Variants in RASEF observed in about 807,000 individuals in gnomAD.
RASEF encodes ras and EF-hand domain-containing protein.
Under a neutral mutation model 90.1 loss-of-function variants are expected in RASEF, and 68 were observed. The observed-to-expected ratio is 0.75, with a 90% CI of 0.62 to 0.92. RASEF has a LOEUF of 0.92. RASEF is among the 40% of genes least tolerant of loss of function. RASEF has a pLI of 0.00. For synonymous variants in RASEF, 331 were observed against 345.2 expected (o/e 0.96, Z 0.46); for missense variants, 949 against 937.2 (o/e 1.01, Z -0.16).
chr9:82,997,195 T>C, intron 13 of RASEF, 69 bp from the exon 14 acceptor site: 1 of 962,814 alleles, frequency 1.0e-6, no homozygotes, highest in South Asian at 1.3e-5. Context: ...TTATGCTCAT[T>C]TTTTTCTCCT....
rs375074755 is a variant in RASEF, at chr9:83,004,597, G to T, written c.1114-11C>A. 310 of 1,449,678 alleles carry T rather than the reference G, an allele frequency of 2.1e-4. No individual in the cohort carries two copies. Among genetic ancestry groups the T allele is most frequent in the Non-Finnish European group, 2.7e-4 (283 of 1,030,694 alleles). 89.8% of individuals were successfully genotyped at this position (1,449,678 alleles called of 1,614,324 possible). The stretch of plus-strand genomic sequence containing the variant: ...GATATTATTTATATGCTGTAATATA[G>T]AAGTAATCATTTGTTAGTTCATGTA... On this transcript the variant is annotated splice_polypyrimidine_tract_variant and intron_variant, in intron 8 of 16. Coordinates refer to ENST00000376447, the MANE Select transcript of RASEF (RefSeq NM_152573.4).
chr9:83,042,542 A>G (rs1829861137), intron 1 of RASEF, among the ~76,000 whole-genome samples: 1 of 152,198 alleles, frequency 6.6e-6, no homozygotes. Context: ...TTCTAAAAAG[A>G]TAATTTAGAA....
chr9:83,009,466 A>T (rs560838146), intron 6 of RASEF, among the ~76,000 whole-genome samples, 175 bp downstream of exon 6: 112 of 152,330 alleles, frequency 7.4e-4, no homozygotes, highest in African/African-American at 2.5e-3. Context: ...TTGCTTAAAA[A>T]ATTAAAAACA....
intron 16 of RASEF, 30 bp from the exon 17 acceptor site, chr9:82,982,812 AGAGAGAG>A: frequency 2.1e-6 from 2 of 957,270 alleles, no homozygotes; most frequent in Non-Finnish European, 3.2e-6. Context: ...AGACAGAGAG[AGAGAGAG>A]AGAGAGAGAG....
At chr9:83,038,229 A>G (rs986163876) in intron 1 of RASEF, among the ~76,000 whole-genome samples, 2 of 152,138 alleles carry the variant, frequency 1.3e-5, no homozygotes, top group African/African-American at 4.8e-5. Context: ...AAGACATAGA[A>G]CCTGTGACAA....
intron 5 of RASEF, among the ~76,000 whole-genome samples, chr9:83,012,167 C>T (rs962149756): frequency 2.6e-5 from 4 of 151,504 alleles, no homozygotes; most frequent in Admixed American, 6.6e-5. Flanking sequence ...GTTGGAAGAA[C>T]ACAGGGTTAA....
chr9:82,983,348 C>A (rs1003477291), intron 16 of RASEF, among the ~76,000 whole-genome samples: 1 of 152,080 alleles, frequency 6.6e-6, no homozygotes, highest in Non-Finnish European at 1.5e-5. Context: ...GATTTACCAC[C>A]ATCCCTTTCT....
the RASEF span, among the ~76,000 whole-genome samples, chr9:83,184,981 G>A: frequency 1.3e-5 from 2 of 152,082 alleles, no homozygotes; most frequent in Non-Finnish European, 2.9e-5. Context: ...CCCAGGCTCT[G>A]CCCCAGACCC....
intron 2 of RASEF, 85 bp downstream of exon 2, chr9:83,025,690 C>G: frequency 7.5e-7 from 1 of 1,333,588 alleles, no homozygotes; most frequent in South Asian, 1.4e-5. Context: ...CATAGTGTGA[C>G]AATGCAGTTC....
At chr9:83,186,196 T>C in the RASEF span, among the ~76,000 whole-genome samples, 1 of 152,174 alleles carries the variant, frequency 6.6e-6, no homozygotes, top group African/African-American at 2.4e-5. Flanking sequence ...TAAGAACCCC[T>C]GGTTTGAGGA....
the RASEF span, among the ~76,000 whole-genome samples, chr9:83,215,168 T>C: frequency 0.61 from 92,034 of 151,442 alleles, 28,348 homozygotes; most frequent in East Asian, 0.8. Flanking sequence ...CATCTTCCCA[T>C]TCCATCCCCT....
chr9:82,991,484 G>C (rs568217800), intron 15 of RASEF, among the ~76,000 whole-genome samples: 1 of 152,282 alleles, frequency 6.6e-6, no homozygotes, highest in East Asian at 1.9e-4. Flanking sequence ...TGTGGGCCTA[G>C]GTGTGGGTTA....
chr9:83,048,126 C>CT, intron 1 of RASEF: 1 of 985,420 alleles, frequency 1.0e-6, no homozygotes, highest in African/African-American at 1.7e-5. Flanking sequence ...CTGCCTGGCT[C>CT]TGGAGGCCTC....
At chr9:83,200,993 T>A in the RASEF span, 22 of 152,282 alleles carry the variant, frequency 1.4e-4, no homozygotes, top group African/African-American at 5.1e-4. Flanking sequence ...ACTTTCAATA[T>A]CTGGAGTGAG....
At chr9:83,011,550 CAAAAAAAAAA>C (rs71363083) in intron 5 of RASEF, among the ~76,000 whole-genome samples, 95 of 28,118 alleles carry the variant, frequency 3.4e-3, no homozygotes, top group African/African-American at 9.7e-3. Context: ...GACTCCATCT[CAAAAAAAAAA>C]AAAAAAAAAA....
At position 83,004,545 on chromosome 9, in the gene RASEF, G is replaced by A. The variant is rs763982222; in HGVS notation, c.1155C>T (p.Ser385=). 1.4e-5 allele frequency: 23 copies of A among 1,601,724 alleles called. No homozygotes were observed. The highest frequency in any genetic ancestry group is 1.1e-4 in the East Asian group (5 of 44,752). ...NISPGNTISR[S]SPKFIGHSPQ... ...GGGAATGACCAATGAATTTGGGACT[G>A]CTTCTAGAAATTGTATTCCCTGGTG... The change falls in exon 9 of 17, where the codon AGC becomes AGT. Residue 385 remains serine, a synonymous_variant. Coordinates refer to ENST00000376447, the MANE Select transcript of RASEF (RefSeq NM_152573.4).
At chr9:83,064,261 C>T (rs1243569214), upstream of RASEF, among the ~76,000 whole-genome samples, 3 of 152,208 alleles carry the variant, frequency 2.0e-5, no homozygotes, top group African/African-American at 7.2e-5. Context: ...TAAACTGTAA[C>T]TACTACTGAT....
chr9:83,056,078 T>G (rs990341676), intron 1 of RASEF, among the ~76,000 whole-genome samples: 26 of 152,146 alleles, frequency 1.7e-4, no homozygotes, highest in African/African-American at 6.3e-4. Context: ...AAAGAAACAT[T>G]TGCACTACTG....
At chr9:83,177,083 A>G in the RASEF span, among the ~76,000 whole-genome samples, 9 of 152,128 alleles carry the variant, frequency 5.9e-5, no homozygotes, top group Admixed American at 2.6e-4. Flanking sequence ...TATATGTCAT[A>G]GATTCCACAA....
Sources: gnomAD v4.1 joint callset for allele counts (sites outside exome capture counted in the v4.1 genomes callset) on GRCh38, gnomAD v4.1.1 for gene constraint, MANE v1.5 for transcripts, NCBI Gene and HGNC (gene_info 2026-07-23, HGNC 2026-07-21) for gene names.